SUGCT: variants seen among roughly 807,000 people sequenced by gnomAD.
SUGCT encodes succinyl-CoA:glutarate CoA-transferase.
In SUGCT, 41 loss-of-function variants were observed where a neutral mutation model predicts 55.0. The observed-to-expected ratio is 0.74, with a 90% CI of 0.58 to 0.97. The LOEUF is 0.97. Among genes scored for constraint, SUGCT ranks in the 50% least tolerant of loss-of-function variants. The pLI is 0.00. For missense variants in SUGCT, 568 were observed against 547.8 expected, an observed-to-expected ratio of 1.04 and a Z score of -0.37; for synonymous variants, 187 against 200.4, an observed-to-expected ratio of 0.93 and a Z score of 0.56.
intron 1 of SUGCT, among the ~76,000 whole-genome samples, chr7:40,158,198 T>C (rs1405213422): frequency 6.6e-6 from 1 of 150,898 alleles, no homozygotes; most frequent in Non-Finnish European, 1.5e-5. Context: ...CAAGACTCTG[T>C]ATCCAAAAAA....
chr7:40,599,920 C>T (rs1201860926), intron 12 of SUGCT, among the ~76,000 whole-genome samples: 4 of 152,190 alleles, frequency 2.6e-5, no homozygotes, highest in Admixed American at 6.5e-5. Flanking sequence ...CCAAAGTGCC[C>T]GTAGGGTGCC....
At chr7:40,319,542 C>G (rs1795615132) in intron 9 of SUGCT, among the ~76,000 whole-genome samples, 1 of 152,164 alleles carries the variant, frequency 6.6e-6, no homozygotes, top group South Asian at 2.1e-4. Context: ...CTAGCTCACT[C>G]TCCTCCATTC....
At chr7:40,918,514 A>C in the SUGCT span, among the ~76,000 whole-genome samples, 1 of 151,790 alleles carries the variant, frequency 6.6e-6, no homozygotes, top group African/African-American at 2.4e-5. Context: ...TTAGTCTATT[A>C]CAGCCCCAAA....
chr7:40,721,078 A>G (rs373194845), intron 12 of SUGCT, among the ~76,000 whole-genome samples: 9 of 152,208 alleles, frequency 5.9e-5, no homozygotes, highest in African/African-American at 1.9e-4. Context: ...GTTCATGCAA[A>G]AGCCTTAAGT....
At chr7:40,588,394 A>T (rs1797520999) in intron 12 of SUGCT, among the ~76,000 whole-genome samples, 1 of 152,144 alleles carries the variant, frequency 6.6e-6, no homozygotes, top group Non-Finnish European at 1.5e-5. Context: ...GTATTCATAA[A>T]ACTATAGATT....
intron 12 of SUGCT, among the ~76,000 whole-genome samples, chr7:40,608,856 C>T (rs557749199): frequency 4.6e-5 from 7 of 152,284 alleles, no homozygotes; most frequent in African/African-American, 7.2e-5. Flanking sequence ...CAGAATGTCA[C>T]GGACACTCTG....
intron 12 of SUGCT, among the ~76,000 whole-genome samples, chr7:40,633,869 C>T (rs1799905591): frequency 6.6e-6 from 1 of 152,116 alleles, no homozygotes; most frequent in African/African-American, 2.4e-5. Context: ...ACCTATAATA[C>T]TTGCATCATA....
the SUGCT span, among the ~76,000 whole-genome samples, chr7:40,989,129 A>C: frequency 6.6e-6 from 1 of 152,216 alleles, no homozygotes. Context: ...ACTCAAGATC[A>C]TTTGAGGCTT....
At chr7:40,667,097 A>G (rs1315909303) in intron 12 of SUGCT, among the ~76,000 whole-genome samples, 3 of 144,428 alleles carry the variant, frequency 2.1e-5, no homozygotes, top group Non-Finnish European at 4.5e-5. Flanking sequence ...ACACAGCTAG[A>G]TCCTATCTCA....
intron 12 of SUGCT, among the ~76,000 whole-genome samples, chr7:40,715,873 A>G (rs1785995663): frequency 6.6e-6 from 1 of 151,992 alleles, no homozygotes; most frequent in Admixed American, 6.6e-5. Context: ...CTTGGACCAT[A>G]GTTTTCTTCT....
At chr7:40,367,936 C>T (rs1784095643) in intron 9 of SUGCT, among the ~76,000 whole-genome samples, 1 of 152,150 alleles carries the variant, frequency 6.6e-6, no homozygotes, top group Non-Finnish European at 1.5e-5. Context: ...CCTCCTCCTT[C>T]ATGGCACTCC....
At chr7:41,024,661 C>CAAAAAAA in the SUGCT span, among the ~76,000 whole-genome samples, 4 of 121,472 alleles carry the variant, frequency 3.3e-5, no homozygotes, top group Middle Eastern at 4.8e-3. Context: ...AACAATTTGG[C>CAAAAAAA]AAAAAAAAAA....
chr7:40,979,846 G>A, the SUGCT span: 3 of 152,116 alleles, frequency 2.0e-5, no homozygotes, highest in African/African-American at 7.2e-5. Flanking sequence ...CGGGGAAAAG[G>A]GACTGTTAAA....
intron 11 of SUGCT, among the ~76,000 whole-genome samples, chr7:40,480,237 G>A (rs1790952886): frequency 6.6e-6 from 1 of 152,044 alleles, no homozygotes; most frequent in African/African-American, 2.4e-5. Flanking sequence ...TCTGCCTGTG[G>A]ATATATAGTT....
intron 12 of SUGCT, among the ~76,000 whole-genome samples, chr7:40,546,340 T>C (rs1794989196): frequency 6.6e-6 from 1 of 152,200 alleles, no homozygotes; most frequent in African/African-American, 2.4e-5. Flanking sequence ...CTTTTTTCCT[T>C]AAGAAAGGTA....
At chr7:40,180,129 A>ATT (rs562109191) in intron 1 of SUGCT, among the ~76,000 whole-genome samples, 2 of 146,494 alleles carry the variant, frequency 1.4e-5, no homozygotes, top group African/African-American at 2.5e-5. Context: ...TGTGATAGTA[A>ATT]TTTTTTTTTT....
rs551028272 is a variant in SUGCT, at chr7:40,257,695, C to A, written c.577-16818C>A. Among the ~76,000 whole-genome samples, 215 of 151,974 alleles carry A rather than the reference C, an allele frequency of 1.4e-3. 1 individual carries two copies. Among genetic ancestry groups the A allele is most frequent in the South Asian group, 6.2e-3 (30 of 4,814 alleles). On this transcript the variant is annotated intron_variant, in intron 7 of 13. Transcript: ENST00000335693. Reference sequence around the variant, plus strand: ...GTTCAAGACCAGCCTGGCCAACATGCATAAACCCCGTCTCTACAAAAATAC... The same window carrying A: ...GTTCAAGACCAGCCTGGCCAACATGAATAAACCCCGTCTCTACAAAAATAC...
chr7:40,649,972 A>G (rs1652785604), intron 12 of SUGCT, among the ~76,000 whole-genome samples: 1 of 152,238 alleles, frequency 6.6e-6, no homozygotes, highest in Non-Finnish European at 1.5e-5. Flanking sequence ...AGCATGGCTT[A>G]GTTGGATGGC....
At chr7:40,153,616 A>G in intron 1 of SUGCT, 1 of 521,502 alleles carries the variant, frequency 1.9e-6, no homozygotes, top group South Asian at 1.4e-5. Context: ...CTGCTACCTT[A>G]TGTTATAATA....
Sources: allele counts gnomAD v4.1 joint callset (sites outside exome capture counted in the v4.1 genomes callset), GRCh38; gene constraint gnomAD v4.1.1; transcripts MANE v1.5; gene names NCBI Gene and HGNC (gene_info 2026-07-23, HGNC 2026-07-21).